The following MEF2C variants were observed in gnomAD, a reference collection of about 807,000 sequenced individuals.
MEF2C encodes the protein myocyte enhancer factor 2C, also known as myocyte-specific enhancer factor 2C.
A neutral mutation model predicts 50.5 loss-of-function variants in MEF2C; 6 were observed. The ratio of observed to expected loss-of-function variants is 0.12; its 90% CI spans 0.07 to 0.23. The LOEUF (loss-of-function observed/expected upper bound fraction) is 0.23. Ranked by LOEUF, MEF2C falls within the 10% of genes least tolerant of loss-of-function variation. MEF2C has a pLI of 1.00. For synonymous variants in MEF2C, 183 were observed against 228.0 expected (o/e 0.80, Z 1.78); for missense variants, 276 against 605.0 (o/e 0.46, Z 5.70).
At chr5:88,783,579 G>A (rs904543189) in intron 3 of MEF2C, among the ~76,000 whole-genome samples, 2 of 152,108 alleles carry the variant, frequency 1.3e-5, no homozygotes. Flanking sequence ...GCGGTGAGCT[G>A]AGATCACGCC....
intron 3 of MEF2C, among the ~76,000 whole-genome samples, chr5:88,786,039 AGGCTATTTTTAGT>A (rs1394090314): frequency 6.6e-6 from 1 of 152,180 alleles, no homozygotes; most frequent in Non-Finnish European, 1.5e-5. Flanking sequence ...ACTGAGAGCC[AGGCTATTTTTAGT>A]TAAGCAGTTT....
At chr5:88,898,569 A>G (rs1238674200) in intron 1 of MEF2C, among the ~76,000 whole-genome samples, 1 of 152,180 alleles carries the variant, frequency 6.6e-6, no homozygotes, top group Non-Finnish European at 1.5e-5. Flanking sequence ...CAATCAATGC[A>G]GATGTTCCTT....
chr5:88,778,109 C>T (rs1040372541), intron 3 of MEF2C, among the ~76,000 whole-genome samples: 2 of 151,558 alleles, frequency 1.3e-5, no homozygotes, highest in Non-Finnish European at 2.9e-5. Flanking sequence ...GGGGTTTCAC[C>T]GTGTTAGCCA....
intron 1 of MEF2C, among the ~76,000 whole-genome samples, chr5:88,859,463 A>G (rs2097132751): frequency 1.3e-5 from 2 of 152,228 alleles, no homozygotes; most frequent in Admixed American, 1.3e-4. Context: ...TCAAAAATGT[A>G]GAACCAGCAT....
chr5:88,846,871 T>C (rs1819547154), intron 1 of MEF2C, among the ~76,000 whole-genome samples: 1 of 152,256 alleles, frequency 6.6e-6, no homozygotes, highest in Admixed American at 6.5e-5. Context: ...GGAAAGAGGT[T>C]TTAAATATTC....
At chr5:88,794,808 TA>T (rs1488887190) in intron 3 of MEF2C, among the ~76,000 whole-genome samples, 2 of 152,222 alleles carry the variant, frequency 1.3e-5, no homozygotes, top group South Asian at 2.1e-4. Context: ...CATCTACAGT[TA>T]TTTTTTTGTA....
At chr5:88,891,548 G>A (rs1483728796) in intron 1 of MEF2C, among the ~76,000 whole-genome samples, 3 of 151,752 alleles carry the variant, frequency 2.0e-5, no homozygotes, top group Non-Finnish European at 2.9e-5. Flanking sequence ...GACTACAGGC[G>A]TCCACCACCA....
chr5:88,826,976 T>A (rs1811155553), intron 1 of MEF2C: 1 of 151,874 alleles, frequency 6.6e-6, no homozygotes, highest in African/African-American at 2.4e-5. Context: ...TTCTGCATTT[T>A]TTTTTTCTAA....
intron 2 of MEF2C, among the ~76,000 whole-genome samples, chr5:88,811,303 GGCAAAATTA>G (rs1802691986): frequency 6.6e-6 from 1 of 152,040 alleles, no homozygotes; most frequent in South Asian, 2.1e-4. Context: ...CATGCGAAGA[GGCAAAATTA>G]GTAAGCATTG....
chr5:88,783,768 T>A (rs1034133500), intron 3 of MEF2C, among the ~76,000 whole-genome samples: 1 of 152,232 alleles, frequency 6.6e-6, no homozygotes, highest in African/African-American at 2.4e-5. Context: ...AAATACCCCA[T>A]AGTTCTCATT....
At chr5:88,759,813 A>C (rs1777063354) in intron 4 of MEF2C, among the ~76,000 whole-genome samples, 1 of 152,250 alleles carries the variant, frequency 6.6e-6, no homozygotes, top group Non-Finnish European at 1.5e-5. Flanking sequence ...TAAGGATAGA[A>C]ATTTTAATAT....
At chr5:88,902,385 A>G (rs1167091508) in intron 1 of MEF2C, among the ~76,000 whole-genome samples, 2 of 151,936 alleles carry the variant, frequency 1.3e-5, no homozygotes, top group Non-Finnish European at 2.9e-5. Flanking sequence ...ACAATTTATA[A>G]TAAAAAGTAT....
chr5:88,861,574 C>A (rs1825531512), intron 1 of MEF2C, among the ~76,000 whole-genome samples: 1 of 152,176 alleles, frequency 6.6e-6, no homozygotes, highest in African/African-American at 2.4e-5. Flanking sequence ...GACAACCTGA[C>A]ACTTAATAGA....
chr5:88,837,002 CAAAAAA>C (rs10692741), intron 1 of MEF2C, among the ~76,000 whole-genome samples: 3 of 87,012 alleles, frequency 3.4e-5, no homozygotes, highest in Non-Finnish European at 6.5e-5. Context: ...AGCTGTTTCT[CAAAAAA>C]AAAAAAAAAA....
At chr5:88,869,252 C>CATATATATATATATATAT (rs369495366) in intron 1 of MEF2C, among the ~76,000 whole-genome samples, 19 of 89,954 alleles carry the variant, frequency 2.1e-4, no homozygotes, top group South Asian at 3.6e-4. Context: ...AACTAGTTTT[C>CATATATATATATATATAT]ATATATATAT....
chr5:88,770,241 G>A (rs777444213), intron 3 of MEF2C, among the ~76,000 whole-genome samples: 6 of 152,156 alleles, frequency 3.9e-5, no homozygotes, highest in Non-Finnish European at 8.8e-5. Flanking sequence ...GGACAAAAAG[G>A]CTGTATCTTG....
intron 1 of MEF2C, among the ~76,000 whole-genome samples, chr5:88,897,173 T>C (rs1035367612): frequency 2.6e-5 from 4 of 152,220 alleles, no homozygotes; most frequent in African/African-American, 9.6e-5. Context: ...TTTTTTGTTA[T>C]TAATCACTGT....
chr5:88,722,661 G>A lies in MEF2C; in HGVS notation c.1365C>T (p.Asp455=), dbSNP rs186353882. Residue 455 remains aspartate, a synonymous_variant, in exon 11 of 11, where the codon GAC becomes GAT. Transcript: ENST00000504921. ...SPIGLTRPSP[D]ERESPSVKRM... ...GCTTGACTGAGGGACTTTCCCTTTC[G>A]TCCGGCGAAGGTCTGGTGAGTCCAA... 3.7e-6 allele frequency: 6 copies of A among 1,613,544 alleles called. 1 individual carries two copies. The East Asian group carries it at 8.9e-5, about 24-fold the overall frequency.
intron 3 of MEF2C, chr5:88,771,924 T>A (rs2152780261): frequency 6.6e-6 from 1 of 152,422 alleles, no homozygotes; most frequent in South Asian, 2.1e-4. Flanking sequence ...ATGGTGGGAT[T>A]TCTCTGTGTT....
Sources: allele counts gnomAD v4.1 joint callset (sites outside exome capture counted in the v4.1 genomes callset), GRCh38; gene constraint gnomAD v4.1.1; transcripts MANE v1.5; gene names NCBI Gene and HGNC (gene_info 2026-07-23, HGNC 2026-07-21).